The following SLC26A7 variants were observed in gnomAD, a reference collection of about 807,000 sequenced individuals.
SLC26A7 encodes the protein anion exchange transporter.
A neutral mutation model predicts 82.5 loss-of-function variants in SLC26A7; 59 were observed. That is an observed-to-expected ratio of 0.72 (90% CI 0.58 to 0.89). The LOEUF (loss-of-function observed/expected upper bound fraction) is 0.89. Ranked by LOEUF, SLC26A7 falls within the 40% of genes least tolerant of loss-of-function variation. The pLI, the probability that SLC26A7 is intolerant of heterozygous loss-of-function variation, is 0.00. For missense variants in SLC26A7, 820 were observed against 793.0 expected, an observed-to-expected ratio of 1.03 and a Z score of -0.41; for synonymous variants, 271 against 274.3, an observed-to-expected ratio of 0.99 and a Z score of 0.12.
chr8:91,289,607 T>G (rs1360887108), intron 3 of SLC26A7, among the ~76,000 whole-genome samples: 1 of 151,164 alleles, frequency 6.6e-6, no homozygotes, highest in African/African-American at 2.4e-5. Flanking sequence ...ATTGCGCCAC[T>G]GCGCTGCAGC....
intron 4 of SLC26A7, among the ~76,000 whole-genome samples, chr8:91,298,102 G>A (rs186727981): frequency 6.6e-6 from 1 of 152,160 alleles, no homozygotes; most frequent in East Asian, 1.9e-4. Context: ...GGGGGGCTTT[G>A]GTGTCTGGCA....
intron 2 of SLC26A7, among the ~76,000 whole-genome samples, chr8:91,257,669 T>C (rs2130709558): frequency 6.6e-6 from 1 of 152,260 alleles, no homozygotes; most frequent in African/African-American, 2.4e-5. Flanking sequence ...TGTGCTTGAC[T>C]GTCTTTTCCT....
intron 2 of SLC26A7, among the ~76,000 whole-genome samples, chr8:91,234,866 T>TCCTTCCTTCCTTCCTA (rs1810370170): frequency 6.7e-6 from 1 of 148,556 alleles, no homozygotes; most frequent in Non-Finnish European, 1.5e-5. Flanking sequence ...CTTCCTTCCT[T>TCCTTCCTTCCTTCCTA]CCCTTCTTCC....
At chr8:91,266,215 T>A (rs1811108599) in intron 2 of SLC26A7, among the ~76,000 whole-genome samples, 1 of 151,990 alleles carries the variant, frequency 6.6e-6, no homozygotes, top group Non-Finnish European at 1.5e-5. Flanking sequence ...CTTTGGCTAT[T>A]CAAGGTCTTT....
intron 2 of SLC26A7, among the ~76,000 whole-genome samples, chr8:91,232,957 A>G (rs993886053): frequency 2.6e-5 from 4 of 152,226 alleles, no homozygotes; most frequent in African/African-American, 9.6e-5. Context: ...AGACTTGACA[A>G]TTCTAGCTAA....
chr8:91,254,609 T>A (rs1465457179), intron 2 of SLC26A7, among the ~76,000 whole-genome samples: 1 of 152,072 alleles, frequency 6.6e-6, no homozygotes, highest in Non-Finnish European at 1.5e-5. Flanking sequence ...CCAGCAGCTT[T>A]ATTAGACTGC....
At chr8:91,334,273 G>A (rs1586422807) in intron 5 of SLC26A7, 22 bp from the exon 6 acceptor site, 1 of 1,594,380 alleles carries the variant, frequency 6.3e-7, no homozygotes, top group Admixed American at 1.8e-5. Context: ...AATTTTGTTT[G>A]TATTTTTTCT....
chr8:91,344,196 T>C, intron 9 of SLC26A7: 1 of 985,376 alleles, frequency 1.0e-6, no homozygotes, highest in East Asian at 1.1e-4. Flanking sequence ...CTAGGCAACC[T>C]TAAGAAGGAG....
chr8:91,297,989 A>G (rs565675792), intron 4 of SLC26A7, among the ~76,000 whole-genome samples: 2 of 152,286 alleles, frequency 1.3e-5, no homozygotes, highest in South Asian at 4.1e-4. Flanking sequence ...ACAGTTAGAA[A>G]TGCTCTCACC....
intron 2 of SLC26A7, among the ~76,000 whole-genome samples, chr8:91,224,467 G>A (rs1189839274): frequency 2.0e-5 from 3 of 152,082 alleles, no homozygotes; most frequent in East Asian, 1.9e-4. Context: ...CAGTTGGCTG[G>A]GGGTTCACTT....
chr8:91,330,980 T>A (rs1813063284), intron 5 of SLC26A7, among the ~76,000 whole-genome samples: 1 of 152,110 alleles, frequency 6.6e-6, no homozygotes, highest in African/African-American at 2.4e-5. Context: ...GCAGTTTTGG[T>A]CTCTTCTTAA....
chr8:91,339,543 A>G (rs1036170394), intron 7 of SLC26A7, among the ~76,000 whole-genome samples: 1 of 152,154 alleles, frequency 6.6e-6, no homozygotes, highest in African/African-American at 2.4e-5. Flanking sequence ...AATAGCTATT[A>G]TGAAAGGGCC....
At chr8:91,209,605 G>A (rs1407646317) in intron 1 of SLC26A7, 5 of 152,316 alleles carry the variant, frequency 3.3e-5, no homozygotes, top group Admixed American at 2.6e-4. Flanking sequence ...TTTGAAAATG[G>A]GAAGATATGT....
In SLC26A7 at chr8:91,295,606, C is replaced by G. The variant is rs190149973; in HGVS notation, c.380C>G (p.Thr127Ser). 6.2e-7 allele frequency: 1 copy of G among 1,614,120 alleles called. No individual in the cohort carries two copies. Among genetic ancestry groups the G allele is most frequent in the East Asian group, 2.2e-5 (1 of 44,880 alleles). ...RIVPQNMQNL[T>S]TQSNTSVLGL... ...GTCCCTCAGAACATGCAGAATCTCA[C>G]CACACAGAGTAACACAAGCGTGCTG... The change falls in exon 4 of 19, where the codon ACC (threonine) becomes AGC (serine). Residue 127 changes from threonine (T) to serine (S), a missense_variant. Coordinates refer to ENST00000276609, the MANE Select transcript of SLC26A7 (RefSeq NM_052832.4).
At chr8:91,335,329 C>T (rs1176876787) in intron 6 of SLC26A7, among the ~76,000 whole-genome samples, 3 of 152,006 alleles carry the variant, frequency 2.0e-5, no homozygotes, top group Non-Finnish European at 4.4e-5. Context: ...GGCTTCTCTC[C>T]ATAACTAGGC....
intron 2 of SLC26A7, among the ~76,000 whole-genome samples, chr8:91,224,979 A>G (rs2130667357): frequency 6.6e-6 from 1 of 152,346 alleles, no homozygotes; most frequent in East Asian, 1.9e-4. Context: ...GACACAGCCA[A>G]TGCGTTGGGC....
chr8:91,381,240 A>G (rs765086948), intron 15 of SLC26A7, among the ~76,000 whole-genome samples: 14 of 152,280 alleles, frequency 9.2e-5, no homozygotes, highest in Non-Finnish European at 1.9e-4. Context: ...TAGCAGTACA[A>G]TGGACAAATA....
intron 2 of SLC26A7, among the ~76,000 whole-genome samples, chr8:91,241,865 TA>T (rs1369443261): frequency 6.6e-6 from 1 of 152,168 alleles, no homozygotes; most frequent in Non-Finnish European, 1.5e-5. Context: ...TCCTTTTAAT[TA>T]GGAATGATCT....
chr8:91,396,425 C>A lies in SLC26A7; in HGVS notation c.*1328C>A, dbSNP rs905217298. 8 of 151,962 alleles carry A rather than the reference C, an allele frequency of 5.3e-5. No homozygotes were observed. Among genetic ancestry groups the A allele is most frequent in the Non-Finnish European group, 1.2e-4 (8 of 67,874 alleles). The allele number at this position is 151,962 out of a possible 1,614,324, so 9.4% of individuals were successfully genotyped here. On this transcript the variant is annotated 3_prime_UTR_variant, in exon 19 of 19. Transcript: ENST00000276609. ...AAAATACCAGCCATTTAGGTGCTTT[C>A]TCTGGCATCTATAAAAGTAAATTCT...
Sources: allele counts gnomAD v4.1 joint callset (sites outside exome capture counted in the v4.1 genomes callset), GRCh38; gene constraint gnomAD v4.1.1; transcripts MANE v1.5; gene names NCBI Gene and HGNC (gene_info 2026-07-23, HGNC 2026-07-21).